TENM2: variants seen among roughly 807,000 people sequenced by gnomAD.
The protein encoded by TENM2 is teneurin-2.
In TENM2, 52 loss-of-function variants were observed where a neutral mutation model predicts 245.2. The observed-to-expected ratio is 0.21, with a 90% CI of 0.17 to 0.27. The LOEUF (loss-of-function observed/expected upper bound fraction) is 0.27, where lower values mean the gene tolerates loss of function less well. Ranked by LOEUF, TENM2 falls within the 10% of genes least tolerant of loss-of-function variation. The probability of loss-of-function intolerance (pLI) is 1.00; values close to 1 mark genes in which losing one functional copy is unlikely to be tolerated. For synonymous variants in TENM2, 1,363 were observed against 1,438.9 expected (o/e 0.95, Z 1.19); for missense variants, 3,046 against 3,666.8 (o/e 0.83, Z 4.37).
rs77707798 is a variant in TENM2 at position 167,718,183 on chromosome 5, C to G, written c.503-157803C>G. 9.9e-3 allele frequency among the ~76,000 whole-genome samples: 1,511 copies of G among 152,268 alleles called. 42 individuals are homozygous for G. Among genetic ancestry groups the G allele is most frequent in the African/African-American group, 0.035 (1,448 of 41,534 alleles). ...AAAGTCAAGCTCGGGGGATCTATCA[C>G]CCAATTTATTTTTGTATAAATGTTT... is the stretch of plus-strand genomic sequence containing the variant. On this transcript the variant is annotated intron_variant, in intron 2 of 28. Coordinates refer to ENST00000518659, the Ensembl canonical transcript of TENM2.
chr5:167,165,575 A>C, the TENM2 span, among the ~76,000 whole-genome samples: 2 of 152,154 alleles, frequency 1.3e-5, no homozygotes, highest in African/African-American at 4.8e-5. Context: ...AATCGGGAAT[A>C]ATTAAAGATA....
chr5:167,867,710 A>G (rs1173496120), intron 2 of TENM2, among the ~76,000 whole-genome samples: 3 of 152,206 alleles, frequency 2.0e-5, no homozygotes, highest in African/African-American at 7.2e-5. Flanking sequence ...AAGACATAAG[A>G]GGTCATAATG....
intron 2 of TENM2, among the ~76,000 whole-genome samples, chr5:167,804,841 AG>A (rs1766034164): frequency 6.6e-6 from 1 of 152,198 alleles, no homozygotes; most frequent in South Asian, 2.1e-4. Context: ...GAGAAAAAAA[AG>A]TAAGCTAACA....
chr5:167,421,774 T>C (rs1253585165), intron 2 of TENM2, among the ~76,000 whole-genome samples: 1 of 152,080 alleles, frequency 6.6e-6, no homozygotes, highest in Non-Finnish European at 1.5e-5. Flanking sequence ...ATCACACTAT[T>C]TTGTTGGTAG....
At chr5:167,546,195 A>G (rs1166109358) in intron 2 of TENM2, among the ~76,000 whole-genome samples, 2 of 152,242 alleles carry the variant, frequency 1.3e-5, no homozygotes, top group Non-Finnish European at 2.9e-5. Flanking sequence ...CTTAGCTGCC[A>G]TGCTGCGTGG....
chr5:167,603,175 G>T (rs1244913187), intron 2 of TENM2, among the ~76,000 whole-genome samples: 1 of 152,142 alleles, frequency 6.6e-6, no homozygotes, highest in South Asian at 2.1e-4. Context: ...ATTTGTTCTT[G>T]TTAGGGGCTA....
chr5:167,876,909 C>T (rs910808851), intron 3 of TENM2, among the ~76,000 whole-genome samples: 1 of 152,118 alleles, frequency 6.6e-6, no homozygotes, highest in African/African-American at 2.4e-5. Flanking sequence ...ATTTTGTGGC[C>T]ACTGTCTTAG....
At chr5:167,822,877 A>G (rs1213863284) in intron 2 of TENM2, among the ~76,000 whole-genome samples, 1 of 152,262 alleles carries the variant, frequency 6.6e-6, no homozygotes, top group Non-Finnish European at 1.5e-5. Context: ...TTCTGACAAA[A>G]TAAGCACACA....
At chr5:167,623,858 T>C (rs1486129114) in intron 2 of TENM2, among the ~76,000 whole-genome samples, 2 of 152,156 alleles carry the variant, frequency 1.3e-5, no homozygotes, top group Admixed American at 1.3e-4. Context: ...TTAGGTGTTT[T>C]TCCATGGTAA....
intron 2 of TENM2, among the ~76,000 whole-genome samples, chr5:167,459,311 A>G (rs2127489362): frequency 6.6e-6 from 1 of 152,312 alleles, no homozygotes; most frequent in Admixed American, 6.5e-5. Flanking sequence ...GGGTTGTAGC[A>G]CATGCCAGGA....
intron 4 of TENM2, among the ~76,000 whole-genome samples, chr5:167,971,862 T>G (rs1198758323): frequency 6.6e-6 from 1 of 152,230 alleles, no homozygotes; most frequent in Non-Finnish European, 1.5e-5. Context: ...TGTCTATTTT[T>G]ACAGACAAGG....
chr5:167,419,214 C>A (rs1054438695), intron 2 of TENM2, among the ~76,000 whole-genome samples: 12 of 152,070 alleles, frequency 7.9e-5, no homozygotes, highest in Admixed American at 7.2e-4. Context: ...GTAATTCCAG[C>A]ACTTTGGGAG....
At chr5:167,117,130 G>T in the TENM2 span, among the ~76,000 whole-genome samples, 1 of 152,176 alleles carries the variant, frequency 6.6e-6, no homozygotes, top group Admixed American at 6.5e-5. Flanking sequence ...TCTAAACATT[G>T]AAGACTCTCA....
chr5:167,069,747 T>A, the TENM2 span, among the ~76,000 whole-genome samples: 2 of 152,200 alleles, frequency 1.3e-5, no homozygotes, highest in Non-Finnish European at 2.9e-5. Flanking sequence ...TTACTTAATT[T>A]TCATTTAGCT....
chr5:167,422,032 C>A (rs1357511849), intron 2 of TENM2, among the ~76,000 whole-genome samples: 1 of 152,130 alleles, frequency 6.6e-6, no homozygotes, highest in Non-Finnish European at 1.5e-5. Context: ...CCTTGTGATC[C>A]ACCTGCCTCA....
At chr5:167,095,677 A>C in the TENM2 span, among the ~76,000 whole-genome samples, 1 of 152,106 alleles carries the variant, frequency 6.6e-6, no homozygotes, top group African/African-American at 2.4e-5. Flanking sequence ...ATAGATCTTA[A>C]GTGTTCAGTT....
intron 2 of TENM2, among the ~76,000 whole-genome samples, chr5:167,846,878 C>T (rs1458279791): frequency 1.3e-5 from 2 of 152,190 alleles, no homozygotes; most frequent in South Asian, 2.1e-4. Flanking sequence ...GATCGTTGTG[C>T]GTTATCCTGA....
intron 5 of TENM2, among the ~76,000 whole-genome samples, chr5:168,026,512 A>T (rs911206629): frequency 3.3e-5 from 5 of 152,182 alleles, no homozygotes; most frequent in Non-Finnish European, 7.3e-5. Flanking sequence ...GAGGCACTTA[A>T]ATCATATGTG....
At chr5:167,950,433 T>C (rs1211791193) in intron 3 of TENM2, among the ~76,000 whole-genome samples, 5 of 151,724 alleles carry the variant, frequency 3.3e-5, no homozygotes, top group Admixed American at 2.6e-4. Flanking sequence ...CTTTGTACTT[T>C]AGAAGAGTGT....
Sources: allele counts gnomAD v4.1 joint callset (sites outside exome capture counted in the v4.1 genomes callset), GRCh38; gene constraint gnomAD v4.1.1; transcripts MANE v1.5; gene names NCBI Gene and HGNC (gene_info 2026-07-23, HGNC 2026-07-21).